The following FN1 variants were observed in gnomAD, a reference collection of about 807,000 sequenced individuals.
FN1 encodes fibronectin 1, also known as fibronectin.
A neutral mutation model predicts 297.3 loss-of-function variants in FN1; 106 were observed. The observed-to-expected ratio is 0.36, with a 90% CI of 0.30 to 0.42. The LOEUF is 0.42. Among genes scored for constraint, FN1 ranks in the 10% least tolerant of loss-of-function variants. The pLI, the probability that FN1 is intolerant of heterozygous loss-of-function variation, is 1.00. For missense variants in FN1, 2,690 were observed against 3,124.9 expected (o/e 0.86, Z 3.32); for synonymous variants, 1,149 against 1,152.6 (o/e 1.00, Z 0.06).
intron 45 of FN1, 108 bp downstream of exon 45, chr2:215,361,860 TG>T (rs1273779702): frequency 3.6e-5 from 51 of 1,401,338 alleles, no homozygotes; most frequent in Admixed American, 2.9e-4. Context: ...ATTTATGAGT[TG>T]TTTTTTTTTT....
chr2:215,390,803 T>C (rs17456054), intron 26 of FN1, among the ~76,000 whole-genome samples: 15,784 of 152,262 alleles, frequency 0.1, 1,119 homozygotes, highest in Non-Finnish European at 0.14. Context: ...TCTTTGTGTT[T>C]CATTATCTAA....
At chr2:215,375,043 T>C (rs1484329304) in intron 38 of FN1, among the ~76,000 whole-genome samples, 171 bp downstream of exon 38, 2 of 152,180 alleles carry the variant, frequency 1.3e-5, no homozygotes, top group Non-Finnish European at 2.9e-5. Context: ...CTCATGCCTT[T>C]TGGGATGTAT....
chr2:215,433,341 A>G lies in FN1; in HGVS notation c.398T>C (p.Ile133Thr). Reference sequence around the variant, plus strand: ...TTCCTTACTTGCGATGGTACAGCTTATTCTCCCTCGCCCAGCCCCGATGCA... The same window carrying G: ...TTCCTTACTTGCGATGGTACAGCTTGTTCTCCCTCGCCCAGCCCCGATGCA... ...CTCIGAGRGR[I>T]SCTIANRCHE... Residue 133 changes from isoleucine to threonine, a missense_variant, in exon 3 of 46, where the codon ATA becomes ACA. Coordinates refer to ENST00000354785, the MANE Select transcript of FN1 (RefSeq NM_212482.4). 1 of 1,614,156 alleles carries G rather than the reference A, an allele frequency of 6.2e-7. No homozygotes were observed.
At chr2:215,432,113 G>T in intron 3 of FN1, 149 bp from the exon 4 acceptor site, 1 of 868,780 alleles carries the variant, frequency 1.2e-6, no homozygotes, top group Middle Eastern at 2.2e-4. Context: ...ACGTTAACAG[G>T]TCTGGTCACT....
chr2:215,388,364 C>T, intron 26 of FN1, 63 bp from the exon 27 acceptor site: 2 of 1,154,478 alleles, frequency 1.7e-6, no homozygotes. Context: ...CTAAAGCACG[C>T]CCAGGACTAT....
At chr2:215,381,375 A>G in intron 32 of FN1, 1 of 439,156 alleles carries the variant, frequency 2.3e-6, no homozygotes, top group Admixed American at 3.7e-5. Context: ...CCACGATTTG[A>G]TTTTTACAAT....
intron 23 of FN1, among the ~76,000 whole-genome samples, chr2:215,395,905 T>C (rs2060255216): frequency 1.0e-5 from 1 of 99,088 alleles, no homozygotes; most frequent in Non-Finnish European, 2.1e-5. Context: ...GCACGAAGAT[T>C]GTCAACTTAA....
At chr2:215,366,081 GT>G (rs1431596208) in intron 42 of FN1, among the ~76,000 whole-genome samples, 1 of 149,134 alleles carries the variant, frequency 6.7e-6, no homozygotes, top group African/African-American at 2.5e-5. Context: ...GCCTCCAAAA[GT>G]GCTGGGATTA....
intron 13 of FN1, among the ~76,000 whole-genome samples, chr2:215,413,810 C>A (rs190780266): frequency 1.3e-5 from 2 of 152,212 alleles, no homozygotes; most frequent in Non-Finnish European, 2.9e-5. Context: ...ATTTTGCCCT[C>A]ATATTTGATT....
Position 215,409,914 on chromosome 2 carries a change from G to A in FN1, c.2122+20C>T, listed in dbSNP as rs1460080014. 3.1e-6 allele frequency: 5 copies of A among 1,613,590 alleles called. No homozygotes were observed. Among genetic ancestry groups the A allele is most frequent in the Admixed American group, 3.3e-5 (2 of 60,022 alleles). On this transcript the variant is annotated intron_variant, in intron 14 of 45. Transcript: ENST00000354785. ...TAGGAACCTCGGGGGTAGGAGGCAT[G>A]AGGGTGGTTGTGTACATACTGGTCA...
Position 215,384,939 on chromosome 2 carries a change from C to T in FN1, c.4650G>A (p.Ala1550=), listed in dbSNP as rs144486467. ...DVPRDLEVVA[A]TPTSLLISWD... is the part of the protein sequence containing the mutation. ...AGCTGATCAGTAGGCTGGTGGGGGT[C>T]GCAGCAACAACTTCCAGGTCCCTCG... Residue 1550 remains alanine, a synonymous_variant, in exon 29 of 46, where the codon GCG becomes GCA. Coordinates refer to ENST00000354785, the MANE Select transcript of FN1 (RefSeq NM_212482.4). The T allele has an allele frequency of 9.9e-6, 16 of 1,613,556 alleles. No homozygotes were observed. The highest frequency in any genetic ancestry group is 2.7e-5 in the African/African-American group (2 of 74,774).
chr2:215,422,396 T>C (rs941481196), intron 9 of FN1, among the ~76,000 whole-genome samples, 153 bp from the exon 10 acceptor site: 20 of 152,260 alleles, frequency 1.3e-4, no homozygotes, highest in Admixed American at 7.8e-4. Flanking sequence ...TGCTGTCAGG[T>C]GAAGGGGTAG....
chr2:215,435,943 G>A lies in FN1; in HGVS notation c.-141C>T. On this transcript the variant is annotated 5_prime_UTR_variant, in exon 1 of 46. Transcript: ENST00000354785. ...CAAGAAGGTGGGGGCCAGAGGGTGG[G>A]GAAGGGGACGGGTGGAGGGACAGAA... 2.8e-6 allele frequency: 4 copies of A among 1,438,498 alleles called. No individual in the cohort carries two copies. The South Asian group carries it at 4.4e-5, about 16-fold the overall frequency. The allele number at this position is 1,438,498 out of a possible 1,614,324, so 89.1% of individuals were successfully genotyped here.
chr2:215,378,836 A>G (rs2105911943), intron 34 of FN1, among the ~76,000 whole-genome samples: 1 of 152,350 alleles, frequency 6.6e-6, no homozygotes, highest in South Asian at 2.1e-4. Flanking sequence ...AAGTCGATTT[A>G]TGCATTCAAC....
chr2:215,435,948 G>A lies in FN1; in HGVS notation c.-146C>T. ...AGGTGGGGGCCAGAGGGTGGGGAAGGGGACGGGTGGAGGGACAGAAGGGAT... is the reference window on the plus strand; with the variant it reads ...AGGTGGGGGCCAGAGGGTGGGGAAGAGGACGGGTGGAGGGACAGAAGGGAT... On this transcript the variant is annotated 5_prime_UTR_variant, in exon 1 of 46. Coordinates refer to ENST00000354785, the MANE Select transcript of FN1 (RefSeq NM_212482.4). 2.1e-6 allele frequency: 3 copies of A among 1,434,638 alleles called. No homozygotes were observed. Among genetic ancestry groups the A allele is most frequent in the Non-Finnish European group, 2.7e-6 (3 of 1,094,456 alleles). 88.9% of individuals were successfully genotyped at this position (1,434,638 alleles called of 1,614,324 possible).
intron 42 of FN1, among the ~76,000 whole-genome samples, chr2:215,366,958 G>A (rs2054755032): frequency 6.6e-6 from 1 of 152,158 alleles, no homozygotes; most frequent in South Asian, 2.1e-4. Context: ...AGTCTATATT[G>A]AAAACACTGG....
At chr2:215,426,626 G>A (rs2065491551) in intron 6 of FN1, among the ~76,000 whole-genome samples, 1 of 152,046 alleles carries the variant, frequency 6.6e-6, no homozygotes, top group Admixed American at 6.6e-5. Context: ...AACGTACTAG[G>A]GAGACATGGC....
At chr2:215,435,482 C>T (rs751958627) in intron 1 of FN1, among the ~76,000 whole-genome samples, 173 bp downstream of exon 1, 7 of 152,190 alleles carry the variant, frequency 4.6e-5, no homozygotes, top group Non-Finnish European at 8.8e-5. Context: ...ATCCCAGGCC[C>T]TCAGAACCAG....
intron 44 of FN1, 23 bp downstream of exon 44, chr2:215,364,856 G>A: frequency 6.7e-7 from 1 of 1,487,918 alleles, no homozygotes; most frequent in Non-Finnish European, 9.2e-7. Context: ...AACTTGTAGG[G>A]AGCCTGGCAC....
Sources: allele counts gnomAD v4.1 joint callset (sites outside exome capture counted in the v4.1 genomes callset), GRCh38; gene constraint gnomAD v4.1.1; transcripts MANE v1.5; gene names NCBI Gene and HGNC (gene_info 2026-07-23, HGNC 2026-07-21).